CSMD1: variants seen among roughly 807,000 people sequenced by gnomAD.
The protein encoded by CSMD1 is CUB and Sushi multiple domains 1, also known as CUB and sushi domain-containing protein 1.
Under a neutral mutation model 417.5 loss-of-function variants are expected in CSMD1, and 213 were observed. The ratio of observed to expected loss-of-function variants is 0.51; its 90% CI spans 0.46 to 0.57. The LOEUF is 0.57. Ranked by LOEUF, CSMD1 falls within the 20% of genes least tolerant of loss-of-function variation. CSMD1 has a pLI of 0.00. For missense variants in CSMD1, 6,923 were observed against 4,529.7 expected, an observed-to-expected ratio of 1.53 and a Z score of -15.17; for synonymous variants, 2,862 against 1,736.8, an observed-to-expected ratio of 1.65 and a Z score of -16.11.
intron 9 of CSMD1, among the ~76,000 whole-genome samples, chr8:3,579,243 G>C (rs1800281121): frequency 1.3e-5 from 2 of 152,104 alleles, no homozygotes; most frequent in South Asian, 4.1e-4. Context: ...GACCAATTTT[G>C]GATGCCAATG....
At chr8:3,763,451 T>TC (rs1260362447) in intron 5 of CSMD1, among the ~76,000 whole-genome samples, 1 of 151,654 alleles carries the variant, frequency 6.6e-6, no homozygotes, top group Non-Finnish European at 1.5e-5. Flanking sequence ...AGCCTAGCAC[T>TC]CCCCCCTCTC....
chr8:4,145,329 A>G (rs1353691047), intron 3 of CSMD1, among the ~76,000 whole-genome samples: 1 of 151,072 alleles, frequency 6.6e-6, no homozygotes, highest in Non-Finnish European at 1.5e-5. Context: ...TTTTTGAGGA[A>G]AAAAATGATC....
chr8:4,992,560 T>C (rs933115265), intron 1 of CSMD1, among the ~76,000 whole-genome samples: 2 of 152,042 alleles, frequency 1.3e-5, no homozygotes, highest in Non-Finnish European at 2.9e-5. Context: ...AAAAGCCAGG[T>C]CCTGTCCCTT....
chr8:4,312,970 G>T lies in CSMD1; in HGVS notation c.415+106983C>A, dbSNP rs190063023. Among the ~76,000 whole-genome samples, 435 of 152,278 alleles carry T rather than the reference G, an allele frequency of 2.9e-3. 3 individuals carry two copies. The highest frequency in any genetic ancestry group is 4.0e-3 in the Non-Finnish European group (272 of 68,020). On this transcript the variant is annotated intron_variant, in intron 3 of 69. Transcript: ENST00000635120. Reference sequence around the variant, plus strand: ...AGAGGAAGAGCCCATAATTTGACCTGCAAGGTAAGTTTTGCGGGGAAATGA... The same window carrying T: ...AGAGGAAGAGCCCATAATTTGACCTTCAAGGTAAGTTTTGCGGGGAAATGA...
intron 23 of CSMD1, among the ~76,000 whole-genome samples, chr8:3,335,534 G>A (rs1389901375): frequency 3.9e-5 from 6 of 152,052 alleles, no homozygotes; most frequent in African/African-American, 9.7e-5. Flanking sequence ...AAAATTAGCC[G>A]GGTGTGGTGT....
At chr8:4,497,878 G>T (rs1189983996) in intron 2 of CSMD1, among the ~76,000 whole-genome samples, 1 of 152,098 alleles carries the variant, frequency 6.6e-6, no homozygotes, top group African/African-American at 2.4e-5. Context: ...AAATGCTCAG[G>T]CATCCTGTTG....
At chr8:4,897,970 A>C (rs1585285698) in intron 1 of CSMD1, among the ~76,000 whole-genome samples, 1 of 152,130 alleles carries the variant, frequency 6.6e-6, no homozygotes, top group Non-Finnish European at 1.5e-5. Flanking sequence ...CTTAGTTTTA[A>C]ATTATCCCGG....
chr8:4,753,953 A>G lies in CSMD1; in HGVS notation c.86-116395T>C, dbSNP rs543122806. On this transcript the variant is annotated intron_variant, in intron 1 of 69. Coordinates refer to ENST00000635120, the MANE Select transcript of CSMD1 (RefSeq NM_033225.6). Reference sequence around the variant, plus strand: ...GAGATGCTTTATGTGCTGCCAATTTAAAAAAGCAAATGAACAGCTTCAAAT... The same window carrying G: ...GAGATGCTTTATGTGCTGCCAATTTGAAAAAGCAAATGAACAGCTTCAAAT... Among the ~76,000 whole-genome samples, 9 of 152,308 alleles carry G rather than the reference A, an allele frequency of 5.9e-5. No homozygotes were observed. In the South Asian group the frequency reaches 1.7e-3, roughly 28 times the overall value.
intron 21 of CSMD1, among the ~76,000 whole-genome samples, chr8:3,356,778 C>T (rs1476550739): frequency 6.6e-6 from 1 of 152,204 alleles, no homozygotes; most frequent in Non-Finnish European, 1.5e-5. Context: ...CCTGAGAGGG[C>T]TCCATCTGTC....
Position 3,232,538 on chromosome 8 carries a change from C to G in CSMD1, c.4154-2307G>C, listed in dbSNP as rs546406705. Among the ~76,000 whole-genome samples the G allele has an allele frequency of 2.0e-5, 3 of 152,302 alleles. No homozygotes were observed. The East Asian group carries it at 5.8e-4, about 29-fold the overall frequency. ...CTTTTTACCCTTATATAAAATGCTG[C>G]TGCGAAAACTCTTGTACATGCTGCT... On this transcript the variant is annotated intron_variant, in intron 26 of 69. Transcript: ENST00000635120.
chr8:4,426,770 A>G (rs1259269813), intron 2 of CSMD1, among the ~76,000 whole-genome samples: 3 of 148,094 alleles, frequency 2.0e-5, no homozygotes, highest in Non-Finnish European at 4.5e-5. Context: ...ATTTTATATT[A>G]CAATACAGAT....
rs149119440 is a variant in CSMD1 at position 4,648,254 on chromosome 8, G to C, written c.86-10696C>G. 7.9e-3 allele frequency among the ~76,000 whole-genome samples: 1,200 copies of C among 152,224 alleles called. 62 individuals carry two copies. The highest frequency in any genetic ancestry group is 0.066 in the Admixed American group (1,015 of 15,296). ...TGTTCATATCCTTTGCCCACTTTTTGATGGGGTTGTTTTTTCTTGCTAATT... is the reference window on the plus strand; with the variant it reads ...TGTTCATATCCTTTGCCCACTTTTTCATGGGGTTGTTTTTTCTTGCTAATT... On this transcript the variant is annotated intron_variant, in intron 1 of 69. Transcript: ENST00000635120.
intron 1 of CSMD1, among the ~76,000 whole-genome samples, chr8:4,752,342 G>A (rs754424912): frequency 5.9e-5 from 9 of 152,020 alleles, no homozygotes; most frequent in East Asian, 1.9e-4. Context: ...TTCTCTGTGA[G>A]CAATCTTTTT....
intron 1 of CSMD1, among the ~76,000 whole-genome samples, chr8:4,735,243 C>A (rs1563250722): frequency 6.6e-6 from 1 of 152,156 alleles, no homozygotes; most frequent in Non-Finnish European, 1.5e-5. Flanking sequence ...CTTGAGTCAT[C>A]TCAGCACTGA....
chr8:3,190,657 A>G (rs1472472857), intron 33 of CSMD1, among the ~76,000 whole-genome samples: 1 of 152,210 alleles, frequency 6.6e-6, no homozygotes, highest in African/African-American at 2.4e-5. Flanking sequence ...AGGAATTTAA[A>G]TTGGGATCCC....
chr8:3,638,431 C>T (rs6992690), intron 7 of CSMD1, among the ~76,000 whole-genome samples: 12,253 of 151,486 alleles, frequency 0.081, 625 homozygotes, highest in Non-Finnish European at 0.11. Context: ...CCCACCGCAA[C>T]TGCACCCCTC....
intron 50 of CSMD1, among the ~76,000 whole-genome samples, chr8:3,042,432 A>C (rs1006363287): frequency 2.6e-5 from 4 of 152,084 alleles, no homozygotes; most frequent in African/African-American, 9.7e-5. Context: ...GTATTTTCTA[A>C]ATGTATTTAT....
At chr8:4,205,318 G>A (rs992610932) in intron 3 of CSMD1, among the ~76,000 whole-genome samples, 1 of 152,104 alleles carries the variant, frequency 6.6e-6, no homozygotes. Flanking sequence ...TATTTACTCA[G>A]ATATTCTAAA....
intron 1 of CSMD1, among the ~76,000 whole-genome samples, chr8:4,991,341 G>C (rs34178473): frequency 6.6e-6 from 1 of 152,026 alleles, no homozygotes; most frequent in African/African-American, 2.4e-5. Flanking sequence ...AAAGGAAATC[G>C]CCAGTGAATT....
Sources: allele counts gnomAD v4.1 joint callset (sites outside exome capture counted in the v4.1 genomes callset), GRCh38; gene constraint gnomAD v4.1.1; transcripts MANE v1.5; gene names NCBI Gene and HGNC (gene_info 2026-07-23, HGNC 2026-07-21).